KIZ: variants seen among roughly 807,000 people sequenced by gnomAD.
KIZ encodes the protein centrosomal protein kizuna.
A neutral mutation model predicts 79.6 loss-of-function variants in KIZ; 68 were observed. That is an observed-to-expected ratio of 0.85 (90% CI 0.70 to 1.05). The LOEUF (loss-of-function observed/expected upper bound fraction) is 1.05. Ranked by LOEUF, KIZ falls within the 50% of genes least tolerant of loss-of-function variation. KIZ has a pLI of 0.00. For missense variants in KIZ, 797 were observed against 800.4 expected (o/e 1.00, Z 0.05); for synonymous variants, 280 against 281.8 (o/e 0.99, Z 0.06).
rs565469150 is a variant in KIZ at position 21,162,838 on chromosome 20, C to T, written c.1043-12C>T. The stretch of plus-strand genomic sequence containing the variant: ...TCAGTGATTGGTAATCAGTTCATGT[C>T]GCCACTTGCAGATCATCTTGCTCAC... On this transcript the variant is annotated splice_polypyrimidine_tract_variant and intron_variant, in intron 5 of 12. Transcript: ENST00000619189. 13 of 1,603,892 alleles carry T rather than the reference C, an allele frequency of 8.1e-6. 1 individual carries two copies. The highest frequency in any genetic ancestry group is 1.7e-4 in the Middle Eastern group (1 of 5,994).
In KIZ at chr20:21,214,693, G is replaced by C; in HGVS notation, c.1605G>C (p.Arg535Ser). The C allele has an allele frequency of 1.2e-6, 2 of 1,609,654 alleles. No individual in the cohort carries two copies. Among genetic ancestry groups the C allele is most frequent in the Non-Finnish European group, 1.7e-6 (2 of 1,176,496 alleles). ...TATGGCTCAACAGTGTTCCTACAAG[G>C]GAACAAGGTAACTATTGTTAAAGTG... ...PAVWLNSVPTREQEVSSGCGD... is the reference protein window; with the variant it reads ...PAVWLNSVPTSEQEVSSGCGD... Residue 535 changes from arginine (R) to serine (S), a missense_variant, in exon 8 of 13, where the codon AGG becomes AGC. By Grantham distance (110) the Arg-to-Ser change is moderately radical (BLOSUM62 -1). Coordinates refer to ENST00000619189, the MANE Select transcript of KIZ (RefSeq NM_018474.6).
intron 6 of KIZ, among the ~76,000 whole-genome samples, chr20:21,176,243 G>A (rs1318293411): frequency 6.6e-6 from 1 of 152,176 alleles, no homozygotes; most frequent in Non-Finnish European, 1.5e-5. Context: ...CTGGGAGGCA[G>A]AGGTTGCAGT....
intron 7 of KIZ, among the ~76,000 whole-genome samples, chr20:21,210,218 G>T (rs1000244845): frequency 6.6e-6 from 1 of 152,066 alleles, no homozygotes; most frequent in African/African-American, 2.4e-5. Context: ...TGAGGCACAA[G>T]AATTGCTTGA....
intron 12 of KIZ, chr20:21,245,747 C>T: frequency 6.6e-6 from 1 of 152,420 alleles, no homozygotes; most frequent in Non-Finnish European, 1.5e-5. Flanking sequence ...CCTCACAAGG[C>T]AGCCCAAAGT....
At chr20:21,211,265 A>G (rs2036056776) in intron 7 of KIZ, among the ~76,000 whole-genome samples, 1 of 152,218 alleles carries the variant, frequency 6.6e-6, no homozygotes, top group African/African-American at 2.4e-5. Context: ...AACTCATAGA[A>G]CGATTTATCT....
At chr20:21,126,314 C>A (rs1281513537) in intron 1 of KIZ, 110 bp downstream of exon 1, 15 of 723,940 alleles carry the variant, frequency 2.1e-5, no homozygotes, top group Non-Finnish European at 2.7e-5. Context: ...GGGGCCCAGG[C>A]CCGCGCGCAA....
At chr20:21,141,819 ACACACTCTCT>A (rs376303833) in intron 3 of KIZ, among the ~76,000 whole-genome samples, 2,118 of 142,324 alleles carry the variant, frequency 0.015, 48 homozygotes, top group African/African-American at 0.049. Context: ...ACACACACAC[ACACACTCTCT>A]CTCTCTCTCT....
chr20:21,153,711 G>T (rs939976589), intron 4 of KIZ, among the ~76,000 whole-genome samples: 1 of 152,106 alleles, frequency 6.6e-6, no homozygotes, highest in Non-Finnish European at 1.5e-5. Flanking sequence ...CAACAGGGTC[G>T]CTTTCTGGTG....
intron 6 of KIZ, among the ~76,000 whole-genome samples, chr20:21,186,976 G>A (rs2034899538): frequency 6.6e-6 from 1 of 152,050 alleles, no homozygotes; most frequent in Admixed American, 6.6e-5. Context: ...ATACAGGGCA[G>A]GTTGAGCATC....
At chr20:21,230,229 T>G (rs2036791165) in intron 10 of KIZ, among the ~76,000 whole-genome samples, 1 of 152,274 alleles carries the variant, frequency 6.6e-6, no homozygotes, top group African/African-American at 2.4e-5. Context: ...AATCCCAGCA[T>G]TTTGGGAGGC....
At chr20:21,229,164 G>A in intron 10 of KIZ, 49 bp downstream of exon 10, 1 of 1,058,154 alleles carries the variant, frequency 9.5e-7, no homozygotes, top group East Asian at 2.4e-5. Flanking sequence ...TGGCAGGCAG[G>A]GCTGTGTTCG....
At position 21,161,981 on chromosome 20, in the gene KIZ, T is replaced by A. The variant is rs753922869; in HGVS notation, c.516T>A (p.Asp172Glu). The A allele has an allele frequency of 6.2e-7, 1 of 1,613,882 alleles. No homozygotes were observed. The highest frequency in any genetic ancestry group is 1.7e-5 in the Admixed American group (1 of 60,000). Residue 172 changes from aspartate (D) to glutamate (E), a missense_variant, in exon 5 of 13, where the codon GAT becomes GAA. Transcript: ENST00000619189. Reference sequence around the variant, plus strand: ...TGTCAGCCATCTTAAGCATGAGAGATTTCAGTACAGAGCACAAATCTCCCC... The same window carrying A: ...TGTCAGCCATCTTAAGCATGAGAGAATTCAGTACAGAGCACAAATCTCCCC... ...RQMSAILSMR[D>E]FSTEHKSPQP...
Position 21,166,441 on chromosome 20 carries a change from G to T in KIZ, c.1352+3282G>T. 4 of 1,592,014 alleles carry T rather than the reference G, an allele frequency of 2.5e-6. No homozygotes were observed. The South Asian group carries it at 4.4e-5, about 18-fold the overall frequency. On this transcript the variant is annotated intron_variant, in intron 6 of 12. Transcript: ENST00000619189. ...ATTTCCCAGCTCTGTGGTCATCAAT[G>T]ATTTCAAATTCGCCAGTGTAACCAT...
chr20:21,166,769 T>C (rs2033962129), intron 6 of KIZ, among the ~76,000 whole-genome samples: 1 of 152,008 alleles, frequency 6.6e-6, no homozygotes, highest in African/African-American at 2.4e-5. Flanking sequence ...ATTTTTGTAT[T>C]TTTAGTAGAG....
chr20:21,234,517 G>A (rs1160239451), intron 11 of KIZ, among the ~76,000 whole-genome samples: 1 of 151,934 alleles, frequency 6.6e-6, no homozygotes, highest in African/African-American at 2.4e-5. Context: ...TGCCACCCTG[G>A]GCTTTGGAGA....
Position 21,136,484 on chromosome 20 carries a change from C to A in KIZ, c.247C>A (p.Arg83=). 6.3e-7 allele frequency: 1 copy of A among 1,597,424 alleles called. No individual in the cohort carries two copies. The highest frequency in any genetic ancestry group is 8.5e-7 in the Non-Finnish European group (1 of 1,169,912). Residue 83 remains arginine, a synonymous_variant, in exon 3 of 13, where the codon CGA becomes AGA. Coordinates refer to ENST00000619189, the MANE Select transcript of KIZ (RefSeq NM_018474.6). The part of the protein sequence containing the change: ...AHTRNQEYLK[R]FERVQAHVVH... ...TACTCGAAACCAAGAATATTTAAAG[C>A]GATTTGAGCGTGTCCAAGCTCATGT...
At chr20:21,153,174 A>T (rs2033205111) in intron 4 of KIZ, among the ~76,000 whole-genome samples, 1 of 152,036 alleles carries the variant, frequency 6.6e-6, no homozygotes, top group Non-Finnish European at 1.5e-5. Flanking sequence ...CCTCCTTGTC[A>T]CCTCGTACAT....
chr20:21,187,689 C>G (rs2122990624), intron 6 of KIZ, among the ~76,000 whole-genome samples: 1 of 152,270 alleles, frequency 6.6e-6, no homozygotes, highest in Admixed American at 6.5e-5. Flanking sequence ...ACAGCAGAGT[C>G]TGATGTTTTG....
intron 4 of KIZ, among the ~76,000 whole-genome samples, chr20:21,154,628 C>T (rs2033285099): frequency 6.6e-6 from 1 of 152,192 alleles, no homozygotes; most frequent in Non-Finnish European, 1.5e-5. Context: ...TATGTCAGAT[C>T]CTTAAATACT....
Sources: gnomAD v4.1 joint callset for allele counts (sites outside exome capture counted in the v4.1 genomes callset) on GRCh38, gnomAD v4.1.1 for gene constraint, MANE v1.5 for transcripts, NCBI Gene and HGNC (gene_info 2026-07-23, HGNC 2026-07-21) for gene names.